Variants in CSGALNACT1 observed in about 807,000 individuals in gnomAD.
The protein encoded by CSGALNACT1 is chondroitin sulfate N-acetylgalactosaminyltransferase 1.
CSGALNACT1 carries 52 observed loss-of-function variants against 51.0 expected under a neutral mutation model. That is an observed-to-expected ratio of 1.02 (90% CI 0.82 to 1.29). The LOEUF (loss-of-function observed/expected upper bound fraction) is 1.29. Ranked by LOEUF, CSGALNACT1 falls within the 50% of genes most tolerant of loss-of-function variation. The pLI is 0.00. For synonymous variants in CSGALNACT1, 341 were observed against 254.4 expected, an observed-to-expected ratio of 1.34 and a Z score of -3.24; for missense variants, 935 against 679.2, an observed-to-expected ratio of 1.38 and a Z score of -4.19.
chr8:19,662,058 G>GTC (rs2058783733), intron 1 of CSGALNACT1, among the ~76,000 whole-genome samples: 1 of 33,926 alleles, frequency 2.9e-5, no homozygotes, highest in East Asian at 6.1e-4. Flanking sequence ...TATTACAGTT[G>GTC]CCCCCACCCC....
At chr8:19,504,613 T>C (rs1250556020) in intron 4 of CSGALNACT1, among the ~76,000 whole-genome samples, 1 of 152,238 alleles carries the variant, frequency 6.6e-6, no homozygotes, top group Non-Finnish European at 1.5e-5. Context: ...CTAGTTTCCA[T>C]GTGCTCTGAC....
intron 4 of CSGALNACT1, among the ~76,000 whole-genome samples, chr8:19,475,408 T>C (rs185433086): frequency 1.3e-5 from 2 of 152,188 alleles, no homozygotes; most frequent in Non-Finnish European, 2.9e-5. Context: ...AGACAATCCC[T>C]ACAGCTAAAA....
At chr8:19,628,589 G>T (rs1315446763) in intron 1 of CSGALNACT1, among the ~76,000 whole-genome samples, 1 of 152,274 alleles carries the variant, frequency 6.6e-6, no homozygotes, top group East Asian at 1.9e-4. Flanking sequence ...CTGTTGCTAA[G>T]TAATAGAGGT....
At chr8:19,532,650 T>A (rs1000225689) in intron 3 of CSGALNACT1, among the ~76,000 whole-genome samples, 1 of 152,184 alleles carries the variant, frequency 6.6e-6, no homozygotes, top group Admixed American at 6.5e-5. Flanking sequence ...CCCTGCCTTC[T>A]AGCCTTGGCT....
exon 5 of CSGALNACT1, chr8:19,458,462 C>A: frequency 6.2e-7 from 1 of 1,614,132 alleles, no homozygotes; most frequent in Non-Finnish European, 8.5e-7. Context: ...CTTGTCCACC[C>A]TTTTTGCTAG....
intron 1 of CSGALNACT1, among the ~76,000 whole-genome samples, chr8:19,663,170 A>G (rs2058905754): frequency 6.6e-6 from 1 of 152,098 alleles, no homozygotes; most frequent in Non-Finnish European, 1.5e-5. Context: ...GCCCAGTTGG[A>G]GAAACATTTC....
intron 6 of CSGALNACT1, among the ~76,000 whole-genome samples, chr8:19,438,669 G>A (rs575614732): frequency 1.3e-5 from 2 of 152,276 alleles, no homozygotes; most frequent in South Asian, 4.1e-4. Flanking sequence ...CACAGCTGTA[G>A]ACAAAGGCAG....
intron 3 of CSGALNACT1, among the ~76,000 whole-genome samples, chr8:19,517,572 C>G (rs1466324146): frequency 1.3e-5 from 2 of 152,078 alleles, no homozygotes; most frequent in Non-Finnish European, 2.9e-5. Flanking sequence ...GAGAGTGGGT[C>G]ATTTATAAAG....
At chr8:19,436,362 G>C (rs1006556486) in intron 6 of CSGALNACT1, among the ~76,000 whole-genome samples, 1 of 152,134 alleles carries the variant, frequency 6.6e-6, no homozygotes, top group African/African-American at 2.4e-5. Context: ...ACCTTAACAG[G>C]AGGCTCTGAT....
intron 1 of CSGALNACT1, among the ~76,000 whole-genome samples, chr8:19,720,756 A>T (rs2063078547): frequency 6.6e-6 from 1 of 152,160 alleles, no homozygotes; most frequent in African/African-American, 2.4e-5. Flanking sequence ...TCTCTGGATG[A>T]CTCTGGTGCT....
At chr8:19,501,765 T>A (rs2076468375) in intron 4 of CSGALNACT1, among the ~76,000 whole-genome samples, 2 of 152,244 alleles carry the variant, frequency 1.3e-5, no homozygotes, top group African/African-American at 4.8e-5. Flanking sequence ...ATGTGCCACT[T>A]AGATCTCAGG....
In CSGALNACT1 at chr8:19,723,601, G is replaced by A. The variant is rs187965799; in HGVS notation, c.-297+34249C>T. ...AGACATAAGATGAAGGCATGAAGAGGAAGGCACAGCAACAGGTTTGCTTTC... is the reference window on the plus strand; with the variant it reads ...AGACATAAGATGAAGGCATGAAGAGAAAGGCACAGCAACAGGTTTGCTTTC... On this transcript the variant is annotated intron_variant, in intron 1 of 1. Coordinates refer to the CSGALNACT1 transcript ENST00000517494. Among the ~76,000 whole-genome samples, 846 of 152,330 alleles carry A rather than the reference G, an allele frequency of 5.6e-3. 8 individuals are homozygous for A. The highest frequency in any genetic ancestry group is 1.0e-2 in the Non-Finnish European group (678 of 68,040).
At chr8:19,620,613 T>C (rs2053696162) in intron 1 of CSGALNACT1, among the ~76,000 whole-genome samples, 1 of 152,014 alleles carries the variant, frequency 6.6e-6, no homozygotes, top group Admixed American at 6.6e-5. Flanking sequence ...TGTTTTTGTA[T>C]TGTTGAGATG....
At chr8:19,603,560 A>T (rs1291661144), upstream of CSGALNACT1, among the ~76,000 whole-genome samples, 1 of 152,234 alleles carries the variant, frequency 6.6e-6, no homozygotes, top group Non-Finnish European at 1.5e-5. Flanking sequence ...TTGGACCCGA[A>T]TCTGAGTTGT....
chr8:19,474,207 A>T (rs2068860797), intron 4 of CSGALNACT1, among the ~76,000 whole-genome samples: 1 of 152,142 alleles, frequency 6.6e-6, no homozygotes, highest in Admixed American at 6.5e-5. Flanking sequence ...GCTCCATGGA[A>T]GTCTTCAAAA....
chr8:19,542,854 A>G (rs1415847219), intron 3 of CSGALNACT1, among the ~76,000 whole-genome samples: 1 of 152,162 alleles, frequency 6.6e-6, no homozygotes, highest in African/African-American at 2.4e-5. Context: ...TATGAAAGTA[A>G]CATTGTAAGC....
chr8:19,745,318 A>G (rs934249953), intron 1 of CSGALNACT1, among the ~76,000 whole-genome samples: 5 of 152,192 alleles, frequency 3.3e-5, no homozygotes, highest in African/African-American at 1.2e-4. Context: ...TCCACATCTT[A>G]TCTCTCTTTG....
At chr8:19,552,585 C>T (rs1054421731) in intron 3 of CSGALNACT1, among the ~76,000 whole-genome samples, 4 of 152,124 alleles carry the variant, frequency 2.6e-5, no homozygotes, top group African/African-American at 9.7e-5. Context: ...TACTTGCAAG[C>T]TCCCATCACT....
At chr8:19,565,844 G>A (rs2041805771) in intron 3 of CSGALNACT1, among the ~76,000 whole-genome samples, 1 of 152,208 alleles carries the variant, frequency 6.6e-6, no homozygotes, top group South Asian at 2.1e-4. Context: ...CCAGGAGGCA[G>A]AGGTTGCAGT....
Sources: allele counts gnomAD v4.1 joint callset (sites outside exome capture counted in the v4.1 genomes callset), GRCh38; gene constraint gnomAD v4.1.1; transcripts MANE v1.5; gene names NCBI Gene and HGNC (gene_info 2026-07-23, HGNC 2026-07-21).